The following EPM2A variants were observed in gnomAD, a reference collection of about 807,000 sequenced individuals.
EPM2A encodes laforin.
Under a neutral mutation model 26.5 loss-of-function variants are expected in EPM2A, and 21 were observed. The ratio of observed to expected loss-of-function variants is 0.79; its 90% CI spans 0.56 to 1.14. The LOEUF is 1.14. Among genes scored for constraint, EPM2A ranks in the 50% most tolerant of loss-of-function variants. EPM2A has a pLI of 0.00. For synonymous variants in EPM2A, 217 were observed against 177.6 expected, an observed-to-expected ratio of 1.22 and a Z score of -1.76; for missense variants, 458 against 440.8, an observed-to-expected ratio of 1.04 and a Z score of -0.35.
chr6:145,490,665 G>A (rs940320176), intron 4 of EPM2A: 59 of 620,590 alleles, frequency 9.5e-5, no homozygotes, highest in Non-Finnish European at 1.7e-4. Context: ...TCTCAGTAGA[G>A]TGTGATTTCA....
intron 2 of EPM2A, among the ~76,000 whole-genome samples, chr6:145,517,985 G>A (rs138490829): frequency 6.6e-5 from 10 of 152,032 alleles, no homozygotes; most frequent in Admixed American, 2.0e-4. Flanking sequence ...CTAAGGCCAC[G>A]CCAATTGATA....
chr6:145,590,593 A>G (rs1257962405), intron 2 of EPM2A, among the ~76,000 whole-genome samples: 2 of 152,166 alleles, frequency 1.3e-5, no homozygotes, highest in Non-Finnish European at 2.9e-5. Context: ...ATAATAATAG[A>G]TTGCACATTA....
intron 4 of EPM2A, chr6:145,491,037 G>A (rs1779748177): frequency 1.1e-6 from 1 of 900,098 alleles, no homozygotes; most frequent in Non-Finnish European, 1.8e-6. Context: ...AATTTCAACA[G>A]GTTCTGATTC....
At chr6:145,593,578 G>A (rs1057010135) in intron 2 of EPM2A, among the ~76,000 whole-genome samples, 8 of 151,872 alleles carry the variant, frequency 5.3e-5, no homozygotes, top group Admixed American at 5.2e-4. Context: ...ATTATATAAA[G>A]TATGTTTTCA....
intron 4 of EPM2A, among the ~76,000 whole-genome samples, chr6:145,469,884 C>CT (rs1779451125): frequency 1.3e-5 from 2 of 152,076 alleles, no homozygotes; most frequent in East Asian, 3.9e-4. Context: ...ATGGATGGAA[C>CT]TTGAGATCAT....
Position 145,704,220 on chromosome 6 carries a change from G to C in EPM2A, c.302-17924C>G, listed in dbSNP as rs149579346. On this transcript the variant is annotated intron_variant, in intron 1 of 3. Transcript: ENST00000367519. ...TTAAATGAATGGTAGTGGTTTATCT[G>C]AATTCTTTGAGAGAAAGGGAGTGCA... 1.1e-3 allele frequency among the ~76,000 whole-genome samples: 167 copies of C among 152,248 alleles called. 1 individual carries two copies. Among genetic ancestry groups the C allele is most frequent in the African/African-American group, 3.9e-3 (163 of 41,550 alleles).
chr6:145,487,887 T>C (rs1199666686), intron 4 of EPM2A, among the ~76,000 whole-genome samples: 15 of 152,186 alleles, frequency 9.9e-5, no homozygotes, highest in Admixed American at 9.8e-4. Flanking sequence ...CATAAAATCT[T>C]TGGACATGTG....
intron 1 of EPM2A, among the ~76,000 whole-genome samples, chr6:145,699,201 C>T (rs1202689247): frequency 6.6e-6 from 1 of 152,126 alleles, no homozygotes; most frequent in Non-Finnish European, 1.5e-5. Context: ...AATAAATGAA[C>T]TTCTGTTGAT....
intron 2 of EPM2A, among the ~76,000 whole-genome samples, chr6:145,556,432 C>A (rs1780729035): frequency 6.6e-6 from 1 of 152,112 alleles, no homozygotes; most frequent in African/African-American, 2.4e-5. Flanking sequence ...AGATAAACAG[C>A]TTGTCTAAAT....
chr6:145,393,890 C>T (rs991757768), intron 4 of EPM2A, among the ~76,000 whole-genome samples: 25 of 151,052 alleles, frequency 1.7e-4, no homozygotes, highest in African/African-American at 5.9e-4. Context: ...GTGGCGTGGT[C>T]TTGGCTCACT....
intron 2 of EPM2A, among the ~76,000 whole-genome samples, chr6:145,612,837 A>C (rs1775421596): frequency 6.6e-6 from 1 of 151,688 alleles, no homozygotes; most frequent in African/African-American, 2.4e-5. Flanking sequence ...AGCAAGTCAT[A>C]ATCTTTTGCT....
chr6:145,643,293 TTTTA>T (rs1488746798), intron 2 of EPM2A, among the ~76,000 whole-genome samples: 1 of 152,212 alleles, frequency 6.6e-6, no homozygotes, highest in Non-Finnish European at 1.5e-5. Context: ...TTCATCAACA[TTTTA>T]TTTATTAGGC....
downstream of EPM2A, among the ~76,000 whole-genome samples, chr6:145,500,144 A>G (rs967401959): frequency 6.6e-6 from 1 of 152,234 alleles, no homozygotes; most frequent in East Asian, 1.9e-4. Context: ...TTTGTGAGCC[A>G]GTACGACAGA....
chr6:145,522,409 T>G (rs1164315284), intron 2 of EPM2A, among the ~76,000 whole-genome samples: 1 of 152,050 alleles, frequency 6.6e-6, no homozygotes, highest in Non-Finnish European at 1.5e-5. Context: ...CTCCATCAAC[T>G]GACCCAGATA....
At chr6:145,713,308 G>C (rs1775440479) in intron 1 of EPM2A, among the ~76,000 whole-genome samples, 1 of 152,128 alleles carries the variant, frequency 6.6e-6, no homozygotes, top group Non-Finnish European at 1.5e-5. Context: ...TGTCATCTGA[G>C]GTGATTATTT....
chr6:145,399,722 T>C (rs749801446), intron 4 of EPM2A, among the ~76,000 whole-genome samples: 1 of 152,200 alleles, frequency 6.6e-6, no homozygotes, highest in Non-Finnish European at 1.5e-5. Flanking sequence ...GTACAATGGC[T>C]CATACCTCCC....
chr6:145,452,613 A>C (rs1472298714), intron 4 of EPM2A, among the ~76,000 whole-genome samples: 2 of 148,280 alleles, frequency 1.3e-5, no homozygotes, highest in African/African-American at 5.0e-5. Flanking sequence ...CGGAGCTTGC[A>C]GGGAGGCGGA....
At chr6:145,388,353 T>C (rs1004092361) in intron 4 of EPM2A, among the ~76,000 whole-genome samples, 4 of 152,158 alleles carry the variant, frequency 2.6e-5, no homozygotes, top group Non-Finnish European at 5.9e-5. Flanking sequence ...CTCTTCACTC[T>C]ACTATAACCA....
intron 2 of EPM2A, among the ~76,000 whole-genome samples, chr6:145,603,924 C>A (rs780286183): frequency 6.6e-6 from 1 of 151,990 alleles, no homozygotes. Context: ...GAATACTTAC[C>A]AGTAACATGT....
Sources: gnomAD v4.1 joint callset for allele counts (sites outside exome capture counted in the v4.1 genomes callset) on GRCh38, gnomAD v4.1.1 for gene constraint, MANE v1.5 for transcripts, NCBI Gene and HGNC (gene_info 2026-07-23, HGNC 2026-07-21) for gene names.